Variants in CLYBL observed in about 807,000 individuals in gnomAD.
CLYBL encodes the protein citramalyl-CoA lyase.
A neutral mutation model predicts 38.9 loss-of-function variants in CLYBL; 31 were observed. The observed-to-expected ratio is 0.80, with a 90% CI of 0.60 to 1.08. The LOEUF (loss-of-function observed/expected upper bound fraction) is 1.08. CLYBL is among the 50% of genes least tolerant of loss of function. The pLI, the probability that CLYBL is intolerant of heterozygous loss-of-function variation, is 0.00. For synonymous variants in CLYBL, 171 were observed against 158.6 expected (o/e 1.08, Z -0.59); for missense variants, 434 against 411.6 (o/e 1.05, Z -0.47).
chr13:99,837,720 T>C (rs1323724421), intron 2 of CLYBL, among the ~76,000 whole-genome samples: 1 of 152,164 alleles, frequency 6.6e-6, no homozygotes, highest in African/African-American at 2.4e-5. Context: ...GTTTGCCCAA[T>C]AGGCGAGGCA....
chr13:99,768,464 A>AG (rs2049314337), intron 1 of CLYBL, among the ~76,000 whole-genome samples: 1 of 134,856 alleles, frequency 7.4e-6, no homozygotes, highest in Non-Finnish European at 1.5e-5. Context: ...AAGTGCTGGG[A>AG]TTACAGGTGT....
At chr13:99,677,807 T>C (rs1309088206) in intron 1 of CLYBL, among the ~76,000 whole-genome samples, 4 of 152,212 alleles carry the variant, frequency 2.6e-5, no homozygotes, top group Non-Finnish European at 4.4e-5. Flanking sequence ...CATAAAAAGA[T>C]TTATAGCCCT....
intron 2 of CLYBL, among the ~76,000 whole-genome samples, chr13:99,812,739 C>T (rs891059203): frequency 1.3e-5 from 2 of 152,202 alleles, no homozygotes; most frequent in Non-Finnish European, 2.9e-5. Context: ...GTAACACCAG[C>T]CGGTTAACTG....
chr13:99,694,381 T>C (rs1440558493), intron 1 of CLYBL, among the ~76,000 whole-genome samples: 1 of 152,234 alleles, frequency 6.6e-6, no homozygotes. Context: ...TGCGTTTTCC[T>C]TCCCCAAGTC....
At chr13:99,861,675 G>A (rs995673212) in intron 3 of CLYBL, among the ~76,000 whole-genome samples, 1 of 152,186 alleles carries the variant, frequency 6.6e-6, no homozygotes, top group Non-Finnish European at 1.5e-5. Context: ...GGGGCAGTGG[G>A]AGCAACTGGG....
At chr13:99,710,695 T>C (rs958673711) in intron 1 of CLYBL, among the ~76,000 whole-genome samples, 1 of 152,186 alleles carries the variant, frequency 6.6e-6, no homozygotes, top group Non-Finnish European at 1.5e-5. Flanking sequence ...TCGGGGAATC[T>C]TGGTACACCA....
At chr13:99,877,386 C>T (rs1255506200) in intron 7 of CLYBL, among the ~76,000 whole-genome samples, 2 of 151,912 alleles carry the variant, frequency 1.3e-5, no homozygotes, top group Admixed American at 1.3e-4. Flanking sequence ...GTTCCACCCT[C>T]ATTTTCCTTG....
chr13:99,729,724 AT>A (rs755588881), intron 1 of CLYBL, among the ~76,000 whole-genome samples: 13 of 152,210 alleles, frequency 8.5e-5, no homozygotes, highest in African/African-American at 2.2e-4. Flanking sequence ...AAGTTTAGGA[AT>A]AAAGGAGAAA....
intron 2 of CLYBL, among the ~76,000 whole-genome samples, chr13:99,816,049 A>G (rs1302022594): frequency 6.6e-6 from 1 of 152,226 alleles, no homozygotes; most frequent in East Asian, 1.9e-4. Flanking sequence ...CGCAATGACT[A>G]ACTTAGTATT....
chr13:99,804,429 C>T (rs763431751), intron 2 of CLYBL, among the ~76,000 whole-genome samples: 2 of 152,150 alleles, frequency 1.3e-5, no homozygotes, highest in Non-Finnish European at 2.9e-5. Context: ...TCTTGTTGGC[C>T]ACTATAAGCA....
At chr13:99,699,429 C>T (rs1210475626) in intron 1 of CLYBL, among the ~76,000 whole-genome samples, 1 of 151,482 alleles carries the variant, frequency 6.6e-6, no homozygotes, top group East Asian at 2.0e-4. Context: ...CGTGGTGGCT[C>T]ACGCCTGTAA....
At chr13:99,876,420 CAA>C (rs35512772) in intron 7 of CLYBL, among the ~76,000 whole-genome samples, 1,784 of 70,076 alleles carry the variant, frequency 0.025, 22 homozygotes, top group African/African-American at 0.075. Context: ...GACTCCGTCT[CAA>C]AAAAAAAAAA....
chr13:99,706,547 AG>A (rs2048149441), intron 1 of CLYBL, among the ~76,000 whole-genome samples: 1 of 152,190 alleles, frequency 6.6e-6, no homozygotes, highest in African/African-American at 2.4e-5. Context: ...ACTTATCAAT[AG>A]AGTATTACGG....
chr13:99,753,459 G>A (rs1384655397), intron 1 of CLYBL, among the ~76,000 whole-genome samples: 1 of 152,190 alleles, frequency 6.6e-6, no homozygotes, highest in Non-Finnish European at 1.5e-5. Flanking sequence ...GTGCGTGCAA[G>A]GCACAGTTAA....
rs1034496446 is a variant in CLYBL at position 99,849,766 on chromosome 13, GA to G, written c.250-9094del. On this transcript the variant is annotated intron_variant, in intron 2 of 8. Coordinates refer to ENST00000339105, the MANE Select transcript of CLYBL (RefSeq NM_206808.5). This position sits in a 1 kb window ranked among gnomAD's most constrained non-coding sequence, Gnocchi z 4.9. The stretch of plus-strand genomic sequence containing the variant: ...AAGGGCAAGGTAAAGAGGAGGAAGA[GA>G]GGGGAAGGTGACGGATAGGGCTATG... Among the ~76,000 whole-genome samples the G allele has an allele frequency of 6.4e-4, 98 of 152,336 alleles. 2 individuals carry two copies. Among genetic ancestry groups the G allele is most frequent in the African/African-American group, 2.3e-3 (95 of 41,576 alleles).
intron 2 of CLYBL, among the ~76,000 whole-genome samples, chr13:99,782,477 C>T (rs1477037925): frequency 6.6e-6 from 1 of 151,970 alleles, no homozygotes; most frequent in Non-Finnish European, 1.5e-5. Flanking sequence ...TGCACTCCAG[C>T]CTGTGTGACA....
At chr13:99,641,934 C>G (rs2047101148) in intron 1 of CLYBL, among the ~76,000 whole-genome samples, 2 of 152,146 alleles carry the variant, frequency 1.3e-5, no homozygotes, top group Admixed American at 6.6e-5. Context: ...GTCATTCAAA[C>G]CATATGAAAT....
intron 8 of CLYBL, among the ~76,000 whole-genome samples, chr13:99,905,041 G>A (rs1287338722): frequency 6.6e-6 from 1 of 151,864 alleles, no homozygotes; most frequent in African/African-American, 2.4e-5. Context: ...TCCCCACAGG[G>A]CTGGCCTGCT....
intron 1 of CLYBL, among the ~76,000 whole-genome samples, chr13:99,734,413 AAAC>A (rs1219614597): frequency 1.3e-5 from 2 of 152,154 alleles, no homozygotes; most frequent in African/African-American, 2.4e-5. Flanking sequence ...TAAAAAAAAA[AAAC>A]AAAACGGAGG....
Sources: gnomAD v4.1 joint callset for allele counts (sites outside exome capture counted in the v4.1 genomes callset) on GRCh38, gnomAD v4.1.1 for gene constraint, Gnocchi (gnomAD v3.1) non-coding constraint, MANE v1.5 for transcripts, NCBI Gene and HGNC (gene_info 2026-07-23, HGNC 2026-07-21) for gene names.